The following ESRRB variants were observed in gnomAD, a reference collection of about 807,000 sequenced individuals.
ESRRB encodes estrogen related receptor beta.
ESRRB carries 16 observed loss-of-function variants against 46.0 expected under a neutral mutation model. That is an observed-to-expected ratio of 0.35 (90% CI 0.24 to 0.53). The LOEUF is 0.53. Among genes scored for constraint, ESRRB ranks in the 20% least tolerant of loss-of-function variants. The pLI is 0.93. For synonymous variants in ESRRB, 246 were observed against 259.6 expected (o/e 0.95, Z 0.50); for missense variants, 488 against 607.4 (o/e 0.80, Z 2.07).
At chr14:76,403,668 T>A (rs1259510433) in intron 1 of ESRRB, among the ~76,000 whole-genome samples, 1 of 151,884 alleles carries the variant, frequency 6.6e-6, no homozygotes, top group African/African-American at 2.4e-5. Flanking sequence ...TCAGAGGTGG[T>A]CCCTGAGAGT....
intron 1 of ESRRB, among the ~76,000 whole-genome samples, chr14:76,394,853 C>A (rs1289621448): frequency 6.6e-6 from 1 of 152,180 alleles, no homozygotes; most frequent in Non-Finnish European, 1.5e-5. Context: ...ACTGCAGGAG[C>A]CACGCAGAGC....
chr14:76,342,185 G>C (rs1189256837), intron 1 of ESRRB, among the ~76,000 whole-genome samples: 3 of 152,178 alleles, frequency 2.0e-5, no homozygotes, highest in African/African-American at 7.2e-5. Flanking sequence ...ATAACAAAGG[G>C]CCCCACTGGG....
At chr14:76,397,719 A>C (rs1885753736) in intron 1 of ESRRB, among the ~76,000 whole-genome samples, 1 of 152,202 alleles carries the variant, frequency 6.6e-6, no homozygotes, top group Non-Finnish European at 1.5e-5. Context: ...AGCCTGGGCA[A>C]TGTAGCGAGA....
At chr14:76,422,747 C>A (rs2139892175) in intron 1 of ESRRB, among the ~76,000 whole-genome samples, 1 of 152,292 alleles carries the variant, frequency 6.6e-6, no homozygotes, top group Non-Finnish European at 1.5e-5. Context: ...ATGAGGAAAC[C>A]AAGTCCTAGA....
intron 1 of ESRRB, among the ~76,000 whole-genome samples, chr14:76,397,547 C>G (rs1287284686): frequency 6.6e-6 from 1 of 152,172 alleles, no homozygotes; most frequent in East Asian, 1.9e-4. Context: ...GCTGGGCTTG[C>G]TGGCTTTAAA....
chr14:76,473,343 T>G (rs1889446903), intron 3 of ESRRB, among the ~76,000 whole-genome samples: 2 of 152,246 alleles, frequency 1.3e-5, no homozygotes, highest in South Asian at 4.1e-4. Context: ...GGGAAAGTTC[T>G]GGATAAGGGG....
chr14:76,381,918 T>C (rs1038270808), intron 1 of ESRRB, among the ~76,000 whole-genome samples: 46 of 152,194 alleles, frequency 3.0e-4, no homozygotes, highest in African/African-American at 1.1e-3. Context: ...GCACGGTCTT[T>C]TCCCTCCCTC....
At chr14:76,391,144 T>C (rs1469011469) in intron 1 of ESRRB, among the ~76,000 whole-genome samples, 1 of 152,140 alleles carries the variant, frequency 6.6e-6, no homozygotes, top group Non-Finnish European at 1.5e-5. Flanking sequence ...CATTGTGGTT[T>C]CTTGGGATGC....
At chr14:76,361,782 C>G (rs1282948668) in intron 1 of ESRRB, among the ~76,000 whole-genome samples, 1 of 152,180 alleles carries the variant, frequency 6.6e-6, no homozygotes, top group Non-Finnish European at 1.5e-5. Context: ...CTCTATGGCT[C>G]GCCATGATGG....
At position 76,337,254 on chromosome 14, in the gene ESRRB, C is replaced by T. The variant is rs1884138441; in HGVS notation, c.2+26338C>T. On this transcript the variant is annotated intron_variant, in intron 1 of 6. Transcript: ENST00000512784. ...TGCAGTGGCCGAGACTCTCCTGGGG[C>T]TGAGGCATCCTGTCCCATGATGTGG... 1.3e-5 allele frequency among the ~76,000 whole-genome samples: 2 copies of T among 152,158 alleles called. 1 individual carries two copies. The highest frequency in any genetic ancestry group is 1.3e-4 in the Admixed American group (2 of 15,274).
At chr14:76,420,762 C>T (rs58533480) in intron 1 of ESRRB, among the ~76,000 whole-genome samples, 10,265 of 152,144 alleles carry the variant, frequency 0.067, 509 homozygotes, top group East Asian at 0.19. Flanking sequence ...AAAAGGGGTC[C>T]CCTGGAACCG....
intron 1 of ESRRB, among the ~76,000 whole-genome samples, chr14:76,363,530 A>G (rs913167715): frequency 1.3e-5 from 2 of 152,148 alleles, no homozygotes; most frequent in African/African-American, 4.8e-5. Flanking sequence ...TTCTTCCCCA[A>G]TGTTATATTC....
At chr14:76,370,083 A>G (rs1334397002), upstream of ESRRB, among the ~76,000 whole-genome samples, 2 of 152,184 alleles carry the variant, frequency 1.3e-5, no homozygotes, top group Non-Finnish European at 2.9e-5. Flanking sequence ...TTTGTAATCA[A>G]CTATGTATGC....
chr14:76,446,193 A>G (rs1035624018), intron 2 of ESRRB, among the ~76,000 whole-genome samples: 9 of 152,200 alleles, frequency 5.9e-5, no homozygotes, highest in African/African-American at 1.4e-4. Flanking sequence ...GAGTAGTTGC[A>G]ATAGTGACGG....
At position 76,390,490 on chromosome 14, in the gene ESRRB, A is replaced by G. The variant is rs548429972; in HGVS notation, c.50+14039A>G. Among the ~76,000 whole-genome samples the G allele has an allele frequency of 4.6e-5, 7 of 152,314 alleles. No homozygotes were observed. In the South Asian group the frequency reaches 1.5e-3, roughly 32 times the overall value. On this transcript the variant is annotated intron_variant, in intron 1 of 6. Coordinates refer to ENST00000644823, the MANE Select transcript of ESRRB (RefSeq NM_001379180.1). ...GAAAATAAAGCAAGACTCAGTCTCA[A>G]AAAAACAAAAACAAACAAACAAAAA... is the stretch of plus-strand genomic sequence containing the variant.
chr14:76,499,795 T>A lies in ESRRB; in HGVS notation c.*1337T>A. 3 of 1,353,996 alleles carry A rather than the reference T, an allele frequency of 2.2e-6. No homozygotes were observed. The Admixed American group carries it at 5.0e-5, about 23-fold the overall frequency. 83.9% of individuals were successfully genotyped at this position (1,353,996 alleles called of 1,614,324 possible). On this transcript the variant is annotated 3_prime_UTR_variant, in exon 7 of 7. Coordinates refer to ENST00000644823, the MANE Select transcript of ESRRB (RefSeq NM_001379180.1). ...CACGGGGACAGTGGGTCACTCTATT[T>A]CTGTGGATGGCCGTGAAAGTTTTCA...
At chr14:76,436,484 C>T (rs1566897402) in intron 1 of ESRRB, among the ~76,000 whole-genome samples, 1 of 152,180 alleles carries the variant, frequency 6.6e-6, no homozygotes, top group Non-Finnish European at 1.5e-5. Flanking sequence ...AGCTGTGTTG[C>T]TCAGCAGGGT....
intron 1 of ESRRB, among the ~76,000 whole-genome samples, chr14:76,431,610 A>C (rs1236173713): frequency 6.6e-6 from 1 of 152,156 alleles, no homozygotes; most frequent in Non-Finnish European, 1.5e-5. Flanking sequence ...GAGGGAGGCC[A>C]CGTTTAATCA....
chr14:76,446,367 TCG>T (rs1174925909), intron 2 of ESRRB, among the ~76,000 whole-genome samples: 73 of 129,770 alleles, frequency 5.6e-4, no homozygotes, highest in Admixed American at 1.5e-3. Context: ...TTTCTGTTGT[TCG>T]TTTTTTTTTT....
Sources: allele counts gnomAD v4.1 joint callset (sites outside exome capture counted in the v4.1 genomes callset), GRCh38; gene constraint gnomAD v4.1.1; transcripts MANE v1.5; gene names NCBI Gene and HGNC (gene_info 2026-07-23, HGNC 2026-07-21).